Variants in XXYLT1 observed in about 807,000 individuals in gnomAD.
XXYLT1 encodes xyloside xylosyltransferase 1.
A neutral mutation model predicts 28.9 loss-of-function variants in XXYLT1; 20 were observed. The ratio of observed to expected loss-of-function variants is 0.69; its 90% CI spans 0.49 to 1.00. XXYLT1 has a LOEUF of 1.00. Ranked by LOEUF, XXYLT1 falls within the 50% of genes least tolerant of loss-of-function variation. The pLI is 0.00. For missense variants in XXYLT1, 542 were observed against 560.1 expected (o/e 0.97, Z 0.33); for synonymous variants, 257 against 253.8 (o/e 1.01, Z -0.12).
intron 1 of XXYLT1, among the ~76,000 whole-genome samples, chr3:195,236,642 C>T (rs1416607977): frequency 6.7e-6 from 1 of 149,840 alleles, no homozygotes; most frequent in Non-Finnish European, 1.5e-5. Context: ...TCTTCCCTCT[C>T]CTTTACTCAA....
At chr3:195,106,393 A>G (rs1026987946) in intron 3 of XXYLT1, among the ~76,000 whole-genome samples, 8 of 149,130 alleles carry the variant, frequency 5.4e-5, no homozygotes, top group Admixed American at 1.3e-4. Context: ...CTCACCCCCA[A>G]CCCCCTGAAA....
chr3:195,095,723 G>C (rs574579413), intron 3 of XXYLT1: 2 of 152,844 alleles, frequency 1.3e-5, no homozygotes, highest in Non-Finnish European at 2.9e-5. Context: ...GCCCTAACAC[G>C]TGCGGTCCCC....
At chr3:195,094,538 C>T (rs1053033745) in intron 3 of XXYLT1, 1 of 154,010 alleles carries the variant, frequency 6.5e-6, no homozygotes, top group African/African-American at 2.4e-5. Flanking sequence ...CCCGCGGAGA[C>T]CTCCGGAAGC....
intron 2 of XXYLT1, among the ~76,000 whole-genome samples, chr3:195,185,471 C>A (rs1465398366): frequency 4.2e-5 from 6 of 144,534 alleles, no homozygotes; most frequent in African/African-American, 7.7e-5. Flanking sequence ...GCTTCAGGAG[C>A]AAAACTTTGG....
At chr3:195,204,774 T>A (rs1383596142) in intron 2 of XXYLT1, among the ~76,000 whole-genome samples, 1 of 152,196 alleles carries the variant, frequency 6.6e-6, no homozygotes, top group Non-Finnish European at 1.5e-5. Context: ...CCCTGCAGAA[T>A]CCAGCCAGGC....
chr3:195,087,672 T>C (rs771071809), intron 3 of XXYLT1, among the ~76,000 whole-genome samples: 7 of 152,180 alleles, frequency 4.6e-5, no homozygotes, highest in East Asian at 3.9e-4. Context: ...TAGATGCTAC[T>C]GGAGGAGCCA....
intron 2 of XXYLT1, among the ~76,000 whole-genome samples, chr3:195,219,684 A>G (rs1028725871): frequency 1.3e-5 from 2 of 152,252 alleles, no homozygotes; most frequent in Non-Finnish European, 2.9e-5. Context: ...GCCACCCAGC[A>G]GCACTGACCC....
intron 3 of XXYLT1, among the ~76,000 whole-genome samples, chr3:195,082,897 G>A (rs1715516972): frequency 6.6e-6 from 1 of 151,892 alleles, no homozygotes; most frequent in Non-Finnish European, 1.5e-5. Flanking sequence ...CCTGCCAAGA[G>A]CCAACAGTGA....
chr3:195,254,038 A>AC (rs1725381389), intron 1 of XXYLT1, among the ~76,000 whole-genome samples: 1 of 151,918 alleles, frequency 6.6e-6, no homozygotes, highest in Non-Finnish European at 1.5e-5. Context: ...ACCAGGGGGC[A>AC]CCCCCACTGG....
At chr3:195,144,611 C>T (rs1237429624) in intron 3 of XXYLT1, among the ~76,000 whole-genome samples, 1 of 151,664 alleles carries the variant, frequency 6.6e-6, no homozygotes, top group Non-Finnish European at 1.5e-5. Context: ...CTCCTGACCC[C>T]GTGATCCGCC....
At chr3:195,090,224 A>AT (rs539523247) in intron 3 of XXYLT1, among the ~76,000 whole-genome samples, 3,730 of 151,276 alleles carry the variant, frequency 0.025, 164 homozygotes, top group African/African-American at 0.087. Flanking sequence ...CAGAATATAC[A>AT]TTTTTTTCAG....
chr3:195,120,203 C>G (rs1489749215), intron 3 of XXYLT1, among the ~76,000 whole-genome samples: 6 of 152,208 alleles, frequency 3.9e-5, no homozygotes, highest in African/African-American at 1.4e-4. Context: ...GGCCTCACCC[C>G]CACCCACTCT....
At chr3:195,097,938 A>G (rs183649861) in intron 3 of XXYLT1, among the ~76,000 whole-genome samples, 1 of 151,840 alleles carries the variant, frequency 6.6e-6, no homozygotes, top group East Asian at 1.9e-4. Context: ...CATGGAAGGT[A>G]CTGTGGTGGT....
intron 3 of XXYLT1, among the ~76,000 whole-genome samples, chr3:195,098,339 G>T (rs1276019587): frequency 6.6e-6 from 1 of 152,118 alleles, no homozygotes; most frequent in African/African-American, 2.4e-5. Flanking sequence ...GGATCACGAG[G>T]TCAGAAGATC....
rs371185744 is a variant in XXYLT1, at chr3:195,073,241, G to A, written c.786-3130C>T. Among the ~76,000 whole-genome samples, 54 of 152,202 alleles carry A rather than the reference G, an allele frequency of 3.5e-4. 2 individuals are homozygous for A. The highest frequency in any genetic ancestry group is 1.7e-3 in the East Asian group (9 of 5,188). On this transcript the variant is annotated intron_variant, in intron 3 of 3. Coordinates refer to ENST00000310380, the MANE Select transcript of XXYLT1 (RefSeq NM_152531.5). ...TTTGGGTGGCACCGGCCGAGGCCAG[G>A]GGACAGGGTGATCGGGTGATGCTGG...
intron 2 of XXYLT1, among the ~76,000 whole-genome samples, chr3:195,202,169 TCC>T (rs1488763408): frequency 6.6e-6 from 1 of 151,844 alleles, no homozygotes; most frequent in African/African-American, 2.4e-5. Context: ...AGAGTGAGAC[TCC>T]GTCTCAAAAA....
chr3:195,266,952 T>C (rs1052050869), intron 1 of XXYLT1, among the ~76,000 whole-genome samples: 1 of 152,238 alleles, frequency 6.6e-6, no homozygotes, highest in Non-Finnish European at 1.5e-5. Context: ...AGTTTACTGA[T>C]TAACAAATAA....
chr3:195,178,759 C>T (rs1577113569), intron 2 of XXYLT1, among the ~76,000 whole-genome samples: 1 of 152,184 alleles, frequency 6.6e-6, no homozygotes. Flanking sequence ...GAGCAGGGAA[C>T]CTAGAGATAT....
At position 195,115,288 on chromosome 3, in the gene XXYLT1, G is replaced by A. The variant is rs1490241718; in HGVS notation, c.785+41161C>T. On this transcript the variant is annotated intron_variant, in intron 3 of 3. Transcript: ENST00000310380. The surrounding 1 kb of genome is among the most constrained non-coding windows in gnomAD (Gnocchi z 4.2). ...CGCTTCCTGAGTACCAGAAAAGCAGGGCAGTGGTGGTGATTTCTGTCCAAA... is the reference window on the plus strand; with the variant it reads ...CGCTTCCTGAGTACCAGAAAAGCAGAGCAGTGGTGGTGATTTCTGTCCAAA... Among the ~76,000 whole-genome samples, 1 of 152,138 alleles carries A rather than the reference G, an allele frequency of 6.6e-6. No individual in the cohort carries two copies. The highest frequency in any genetic ancestry group is 1.9e-4 in the East Asian group (1 of 5,198).
Sources: allele counts gnomAD v4.1 joint callset (sites outside exome capture counted in the v4.1 genomes callset), GRCh38; gene constraint gnomAD v4.1.1; non-coding constraint Gnocchi (gnomAD v3.1); transcripts MANE v1.5; gene names NCBI Gene and HGNC (gene_info 2026-07-23, HGNC 2026-07-21).